Variants in CHN2 observed in about 807,000 individuals in gnomAD.
CHN2 encodes the protein beta-chimaerin.
Under a neutral mutation model 56.3 loss-of-function variants are expected in CHN2, and 35 were observed. The ratio of observed to expected loss-of-function variants is 0.62; its 90% CI spans 0.47 to 0.82. CHN2 has a LOEUF of 0.82. Ranked by LOEUF, CHN2 falls within the 40% of genes least tolerant of loss-of-function variation. The pLI is 0.00. For missense variants in CHN2, 491 were observed against 580.5 expected (o/e 0.85, Z 1.58); for synonymous variants, 210 against 212.8 (o/e 0.99, Z 0.12).
chr7:29,348,714 T>A (rs1231869093), intron 1 of CHN2, among the ~76,000 whole-genome samples: 1 of 152,226 alleles, frequency 6.6e-6, no homozygotes, highest in African/African-American at 2.4e-5. Flanking sequence ...GGTCTTTTTA[T>A]ATCTACTTTA....
chr7:29,255,668 C>T (rs553250953), intron 1 of CHN2, among the ~76,000 whole-genome samples: 2 of 152,280 alleles, frequency 1.3e-5, no homozygotes, highest in East Asian at 1.9e-4. Flanking sequence ...CTGGGTGACT[C>T]AAGTTCAGAA....
chr7:29,240,769 CTTTCTTCTTCTT>C (rs1414076810), intron 1 of CHN2, among the ~76,000 whole-genome samples: 5 of 151,756 alleles, frequency 3.3e-5, no homozygotes, highest in African/African-American at 1.2e-4. Context: ...AGGACTTTTT[CTTTCTTCTTCTT>C]TTTCTTCTTC....
At chr7:29,447,941 T>C (rs1265766073) in intron 6 of CHN2, among the ~76,000 whole-genome samples, 1 of 152,108 alleles carries the variant, frequency 6.6e-6, no homozygotes, top group African/African-American at 2.4e-5. Flanking sequence ...TCTTCAAAGG[T>C]TCTGGTTTAG....
At chr7:29,420,801 TTTC>T (rs1290247464) in intron 6 of CHN2, among the ~76,000 whole-genome samples, 1 of 129,552 alleles carries the variant, frequency 7.7e-6, no homozygotes, top group Non-Finnish European at 1.7e-5. Flanking sequence ...TGGGTTGTTT[TTTC>T]TTCTTTTCTT....
intron 1 of CHN2, among the ~76,000 whole-genome samples, chr7:29,206,120 A>C (rs1784501797): frequency 6.6e-6 from 1 of 152,124 alleles, no homozygotes; most frequent in Admixed American, 6.5e-5. Flanking sequence ...TCACTGCTGG[A>C]TCTCCAGTGC....
chr7:29,349,395 C>A (rs1034475368), intron 1 of CHN2, among the ~76,000 whole-genome samples: 6 of 152,182 alleles, frequency 3.9e-5, no homozygotes, highest in Non-Finnish European at 7.4e-5. Context: ...AACTGAGATA[C>A]AGAGAAGATA....
chr7:29,443,982 C>T (rs1201032743), intron 6 of CHN2, among the ~76,000 whole-genome samples: 1 of 152,192 alleles, frequency 6.6e-6, no homozygotes, highest in East Asian at 1.9e-4. Flanking sequence ...CATAAGGCTT[C>T]TCTAAGTTTT....
chr7:29,310,860 A>C (rs1427515306), intron 1 of CHN2, among the ~76,000 whole-genome samples: 1 of 152,200 alleles, frequency 6.6e-6, no homozygotes, highest in Non-Finnish European at 1.5e-5. Context: ...TCCTTCTGAC[A>C]CCATCACATT....
chr7:29,339,325 G>A (rs891096688), intron 1 of CHN2, among the ~76,000 whole-genome samples: 24 of 151,286 alleles, frequency 1.6e-4, no homozygotes, highest in African/African-American at 5.6e-4. Flanking sequence ...CCTGACCCTC[G>A]GCCACCCAGA....
intron 6 of CHN2, among the ~76,000 whole-genome samples, chr7:29,453,508 A>G (rs1481776065): frequency 6.6e-6 from 1 of 152,234 alleles, no homozygotes; most frequent in Non-Finnish European, 1.5e-5. Context: ...CCATGGGAAG[A>G]GGAGCCTCTC....
chr7:29,208,661 TTCAC>T (rs1386867184), intron 1 of CHN2, among the ~76,000 whole-genome samples: 2 of 152,130 alleles, frequency 1.3e-5, no homozygotes, highest in East Asian at 3.9e-4. Flanking sequence ...GGACCTGCTG[TTCAC>T]TCAAACTTTT....
chr7:29,478,667 C>G (rs937713990), intron 6 of CHN2, among the ~76,000 whole-genome samples: 9 of 152,194 alleles, frequency 5.9e-5, no homozygotes, highest in African/African-American at 2.2e-4. Flanking sequence ...CTTTACCTCT[C>G]AGTGCCTTGC....
rs369197548 is a variant in CHN2, at chr7:29,480,318, G to C, written c.616G>C (p.Asp206His). 2.0e-4 allele frequency: 319 copies of C among 1,613,988 alleles called. No individual in the cohort carries two copies. Among genetic ancestry groups the C allele is most frequent in the Non-Finnish European group, 2.7e-4 (316 of 1,180,028 alleles). ...TCGAAGGGCTGCCCTCACACACAAC[G>C]ACAACCACTTCAATTATGAGAAGAC... ...LVRRAALTHN[D>H]NHFNYEKTHN... The change falls in exon 7 of 13, where the codon GAC becomes CAC. Residue 206 changes from aspartate to histidine, a missense_variant. By Grantham distance (81) the Asp-to-His change is moderately conservative. Coordinates refer to ENST00000222792, the MANE Select transcript of CHN2 (RefSeq NM_004067.4).
intron 2 of CHN2, among the ~76,000 whole-genome samples, chr7:29,166,368 A>G (rs1795921164): frequency 6.6e-6 from 1 of 152,108 alleles, no homozygotes; most frequent in South Asian, 2.1e-4. Flanking sequence ...ATTTTCTTGA[A>G]GTTTTGTGTA....
At chr7:29,147,238 A>T (rs965559331) in intron 2 of CHN2, 1 of 420,516 alleles carries the variant, frequency 2.4e-6, no homozygotes, top group African/African-American at 2.0e-5. Flanking sequence ...AGATAACACA[A>T]AATAAAGGAG....
chr7:29,372,163 A>C (rs1799666105), intron 3 of CHN2, among the ~76,000 whole-genome samples: 1 of 151,886 alleles, frequency 6.6e-6, no homozygotes, highest in Admixed American at 6.6e-5. Context: ...TTCTTCTCCA[A>C]GTGCACTGCC....
At chr7:29,205,221 C>G (rs182249347) in intron 1 of CHN2, among the ~76,000 whole-genome samples, 2 of 152,244 alleles carry the variant, frequency 1.3e-5, no homozygotes, top group East Asian at 3.9e-4. Context: ...ACCTATAGAG[C>G]GAATTGGTGT....
intron 3 of CHN2, among the ~76,000 whole-genome samples, chr7:29,382,187 C>T (rs987569332): frequency 6.6e-6 from 1 of 152,304 alleles, no homozygotes; most frequent in East Asian, 1.9e-4. Flanking sequence ...TTAGGCTCTG[C>T]CATGCATGTG....
At chr7:29,193,176 C>T (rs1405725444), upstream of CHN2, 2 of 152,180 alleles carry the variant, frequency 1.3e-5, no homozygotes, top group Non-Finnish European at 2.9e-5. Context: ...AGAGTGCTCA[C>T]ACTCCTTTAA....
Sources: allele counts gnomAD v4.1 joint callset (sites outside exome capture counted in the v4.1 genomes callset), GRCh38; gene constraint gnomAD v4.1.1; transcripts MANE v1.5; gene names NCBI Gene and HGNC (gene_info 2026-07-23, HGNC 2026-07-21).